VWA3B: variants seen among roughly 807,000 people sequenced by gnomAD.
VWA3B encodes the protein von Willebrand factor A domain containing 3B.
A neutral mutation model predicts 158.3 loss-of-function variants in VWA3B; 138 were observed. That is an observed-to-expected ratio of 0.87 (90% CI 0.76 to 1.00). The LOEUF (loss-of-function observed/expected upper bound fraction) is 1.00. Ranked by LOEUF, VWA3B falls within the 50% of genes least tolerant of loss-of-function variation. The pLI, the probability that VWA3B is intolerant of heterozygous loss-of-function variation, is 0.00. For missense variants in VWA3B, 1,555 were observed against 1,565.1 expected (o/e 0.99, Z 0.11); for synonymous variants, 596 against 587.3 (o/e 1.01, Z -0.21).
rs551305945 is a variant in VWA3B at position 98,107,146 on chromosome 2, A to AT, written c.197-8498dup. On this transcript the variant is annotated intron_variant, in intron 2 of 27. Transcript: ENST00000477737. The stretch of plus-strand genomic sequence containing the variant: ...GCCTGTTACTTTAATGGATTATATT[A>AT]TTTTTTTTAATCCAGCCTTGCATCC... 5.6e-4 allele frequency among the ~76,000 whole-genome samples: 85 copies of AT among 151,954 alleles called. 1 individual carries two copies. The highest frequency in any genetic ancestry group is 5.0e-3 in the Admixed American group (77 of 15,270).
chr2:98,271,054 G>A (rs1231138031), intron 22 of VWA3B, among the ~76,000 whole-genome samples, 171 bp downstream of exon 22: 1 of 151,902 alleles, frequency 6.6e-6, no homozygotes, highest in South Asian at 2.1e-4. Context: ...TAAAGGAAAT[G>A]CCATTCGATT....
In VWA3B at chr2:98,312,236, G is replaced by A. The variant is rs779411155; in HGVS notation, c.3772G>A (p.Gly1258Arg). ...HLHFPAAGRL[G>R]LSSHAIIATP... ...CCACTTCCCCGCGGCCGGGCGTCTA[G>A]GACTCAGCAGCCACGCCATCATTGC... is the stretch of plus-strand genomic sequence containing the variant. The change falls in exon 28 of 28, where the codon GGA becomes AGA. Residue 1258 changes from glycine to arginine, a missense_variant. By Grantham distance (125) the Gly-to-Arg change is moderately radical. Coordinates refer to ENST00000477737, the MANE Select transcript of VWA3B (RefSeq NM_144992.5). 20 of 1,614,058 alleles carry A rather than the reference G, an allele frequency of 1.2e-5. No homozygotes were observed. The Middle Eastern group carries it at 4.9e-4, about 40-fold the overall frequency.
intron 22 of VWA3B, among the ~76,000 whole-genome samples, chr2:98,287,987 T>C (rs190484836): frequency 1.8e-4 from 27 of 152,318 alleles, no homozygotes; most frequent in African/African-American, 6.5e-4. Context: ...ATAGTTTCTA[T>C]TTCTCTGCTG....
At position 98,270,673 on chromosome 2, in the gene VWA3B, G is replaced by GT. The variant is rs756380959; in HGVS notation, c.2844-3dup. ...CCTCTGTTTGTTTGTTTGTTTCTTT[G>GT]TTTTTTAGGTTAGATGCAAACAAAC... On this transcript the variant is annotated splice_polypyrimidine_tract_variant and intron_variant, in intron 21 of 27. Coordinates refer to ENST00000477737, the MANE Select transcript of VWA3B (RefSeq NM_144992.5). 15 of 1,601,632 alleles carry GT rather than the reference G, an allele frequency of 9.4e-6. No homozygotes were observed. The East Asian group carries it at 3.1e-4, about 34-fold the overall frequency.
At chr2:98,265,043 T>C (rs1401501802) in intron 21 of VWA3B, among the ~76,000 whole-genome samples, 1 of 152,026 alleles carries the variant, frequency 6.6e-6, no homozygotes, top group Non-Finnish European at 1.5e-5. Context: ...TTTTTTTATT[T>C]TTTATTTTTA....
chr2:98,235,704 C>A (rs1685635717), intron 17 of VWA3B, among the ~76,000 whole-genome samples: 1 of 152,030 alleles, frequency 6.6e-6, no homozygotes, highest in African/African-American at 2.4e-5. Flanking sequence ...GGGATTTTGG[C>A]CGGGCACAGT....
At chr2:98,315,010 A>T (rs1691060626), downstream of VWA3B, among the ~76,000 whole-genome samples, 1 of 152,122 alleles carries the variant, frequency 6.6e-6, no homozygotes, top group African/African-American at 2.4e-5. Context: ...AAAAAAGAGA[A>T]GCCAATTGGA....
chr2:98,113,047 T>TTA (rs150607114), intron 2 of VWA3B, among the ~76,000 whole-genome samples: 1,532 of 150,738 alleles, frequency 0.01, 38 homozygotes, highest in African/African-American at 0.035. Context: ...CCCTCCAACA[T>TTA]TATATATATA....
chr2:98,168,425 T>C (rs1283308444), intron 8 of VWA3B, among the ~76,000 whole-genome samples: 1 of 146,328 alleles, frequency 6.8e-6, no homozygotes, highest in Non-Finnish European at 1.5e-5. Flanking sequence ...AAACCCAAAA[T>C]AACTCTAAGC....
chr2:98,121,546 A>G (rs1674962956), intron 5 of VWA3B, 88 bp downstream of exon 5: 3 of 1,514,912 alleles, frequency 2.0e-6, no homozygotes, highest in Non-Finnish European at 1.8e-6. Flanking sequence ...CGGCCCTTCA[A>G]CTGATCTTGG....
At chr2:98,112,487 C>G (rs1251903441) in intron 2 of VWA3B, among the ~76,000 whole-genome samples, 2 of 151,746 alleles carry the variant, frequency 1.3e-5, no homozygotes, top group Non-Finnish European at 2.9e-5. Flanking sequence ...TGATTTCCAC[C>G]TTTTCATCAG....
At chr2:98,176,968 C>T (rs139864787) in intron 8 of VWA3B, among the ~76,000 whole-genome samples, 136 of 152,206 alleles carry the variant, frequency 8.9e-4, no homozygotes, top group Non-Finnish European at 1.5e-3. Context: ...GTGGGGCTAG[C>T]GTGGCAGGAA....
intron 7 of VWA3B, among the ~76,000 whole-genome samples, chr2:98,135,759 CA>C (rs1676238592): frequency 6.6e-6 from 1 of 152,158 alleles, no homozygotes; most frequent in Non-Finnish European, 1.5e-5. Context: ...CTCCTCTGTC[CA>C]TCACAATGTC....
chr2:98,146,394 T>G (rs1196539971), intron 7 of VWA3B, among the ~76,000 whole-genome samples: 1 of 152,228 alleles, frequency 6.6e-6, no homozygotes, highest in Non-Finnish European at 1.5e-5. Flanking sequence ...CCATCTATGC[T>G]TCACAACTCA....
intron 10 of VWA3B, among the ~76,000 whole-genome samples, chr2:98,188,551 T>G (rs1266078178): frequency 6.6e-6 from 1 of 152,198 alleles, no homozygotes; most frequent in Admixed American, 6.5e-5. Flanking sequence ...CTCTATCTGC[T>G]CAGATATTTT....
chr2:98,294,907 C>G (rs1689711205), intron 23 of VWA3B, among the ~76,000 whole-genome samples: 1 of 152,222 alleles, frequency 6.6e-6, no homozygotes, highest in Admixed American at 6.5e-5. Flanking sequence ...CAATGAAACC[C>G]TTCATAAACT....
At chr2:98,209,467 A>G (rs971840414) in intron 12 of VWA3B, among the ~76,000 whole-genome samples, 4 of 151,990 alleles carry the variant, frequency 2.6e-5, no homozygotes, top group African/African-American at 9.7e-5. Flanking sequence ...TTTTTAGTAG[A>G]GACAGTGTTT....
At chr2:98,207,379 G>T in intron 12 of VWA3B, 1 of 483,248 alleles carries the variant, frequency 2.1e-6, no homozygotes, top group South Asian at 1.6e-5. Flanking sequence ...CAACATTGTT[G>T]GCAATGAGCA....
chr2:98,239,705 A>C (rs1685948247), intron 19 of VWA3B, among the ~76,000 whole-genome samples: 1 of 152,030 alleles, frequency 6.6e-6, no homozygotes, highest in Non-Finnish European at 1.5e-5. Flanking sequence ...TTAGGTCAGG[A>C]GATCGAGACC....
Sources: allele counts gnomAD v4.1 joint callset (sites outside exome capture counted in the v4.1 genomes callset), GRCh38; gene constraint gnomAD v4.1.1; transcripts MANE v1.5; gene names NCBI Gene and HGNC (gene_info 2026-07-23, HGNC 2026-07-21).